The following P3H3 variants were observed in gnomAD, a reference collection of about 807,000 sequenced individuals.
The protein encoded by P3H3 is gene rich cluster, B.
In P3H3, 64 loss-of-function variants were observed where a neutral mutation model predicts 78.1. That is an observed-to-expected ratio of 0.82 (90% confidence interval 0.67 to 1.01). The LOEUF (loss-of-function observed/expected upper bound fraction) is 1.01. Ranked by LOEUF, P3H3 falls within the 50% of genes least tolerant of loss-of-function variation. P3H3 has a pLI of 0.00. For missense variants in P3H3, 975 were observed against 982.2 expected, an observed-to-expected ratio of 0.99 and a Z score of 0.10; for synonymous variants, 425 against 416.7, an observed-to-expected ratio of 1.02 and a Z score of -0.24.
intron 9 of P3H3, among the ~76,000 whole-genome samples, chr12:6,835,411 G>T (rs1469116631): frequency 6.6e-6 from 1 of 151,702 alleles, no homozygotes; most frequent in Non-Finnish European, 1.5e-5. Flanking sequence ...GGTGAAACCC[G>T]GTCTTTACTA....
In P3H3 at chr12:6,839,131, C is replaced by G; in HGVS notation, c.2037C>G (p.His679Gln). ...TGTGGCACACGTGGGCACCTGAGCA[C>G]AGGGAGCAGGTAAGGAGCGGGGTAG... The part of the protein sequence containing the change: ...LALWHTWAPE[H>Q]REQEWIEAKE... The change falls in exon 14 of 15, where the codon CAC becomes CAG. Residue 679 changes from histidine (H) to glutamine (Q), a missense_variant. Coordinates refer to ENST00000290510, the MANE Select transcript of P3H3 (RefSeq NM_014262.5). 6.2e-7 allele frequency: 1 copy of G among 1,601,916 alleles called. No homozygotes were observed. Among genetic ancestry groups the G allele is most frequent in the Non-Finnish European group, 8.5e-7 (1 of 1,176,170 alleles).
intron 13 of P3H3, 98 bp from the exon 14 acceptor site, chr12:6,838,902 C>T (rs1186018915): frequency 1.2e-4 from 127 of 1,033,666 alleles, no homozygotes; most frequent in Non-Finnish European, 1.3e-4. Flanking sequence ...GAGAGCTGAT[C>T]CTCTCTGTGC....
chr12:6,828,483 C>T lies in P3H3; in HGVS notation c.43C>T (p.Pro15Ser). Residue 15 changes from proline (P) to serine (S), a missense_variant, in exon 1 of 15, where the codon CCT becomes TCT. Physicochemically the swap from Pro to Ser is moderately conservative, Grantham distance 74. Transcript: ENST00000290510. The stretch of plus-strand genomic sequence containing the variant: ...GCCGCTGCTGCTACTGCTGCTGCTG[C>T]CTCCCCCGGGGTCCCCTGAGCCCCC... Reference protein sequence around the residue: ...LRPLLLLLLLPPPGSPEPPGL... With the variant: ...LRPLLLLLLLSPPGSPEPPGL... 7.7e-7 allele frequency: 1 copy of T among 1,290,966 alleles called. No individual in the cohort carries two copies. 80.0% of individuals were successfully genotyped at this position (1,290,966 alleles called of 1,614,324 possible). A position where few individuals can be genotyped will look rare whatever the true frequency, so the allele number is the denominator to read the frequency against.
chr12:6,838,037 C>G lies in P3H3; in HGVS notation c.1905+4C>G. 1 of 1,598,634 alleles carries G rather than the reference C, an allele frequency of 6.3e-7. No homozygotes were observed. The highest frequency in any genetic ancestry group is 8.5e-7 in the Non-Finnish European group (1 of 1,172,194). Reference sequence around the variant, plus strand: ...GCCCAACGCCCTCACTGTCACGGTGCGTGGAGTGGGGGGTGTGACGGTGTG... The same window carrying G: ...GCCCAACGCCCTCACTGTCACGGTGGGTGGAGTGGGGGGTGTGACGGTGTG... On this transcript the variant is annotated splice_donor_region_variant and intron_variant, in intron 13 of 14. Coordinates refer to ENST00000290510, the MANE Select transcript of P3H3 (RefSeq NM_014262.5).
chr12:6,837,655 C>T (rs782139701), intron 11 of P3H3, 77 bp from the exon 12 acceptor site: 135 of 1,578,294 alleles, frequency 8.6e-5, no homozygotes, highest in Middle Eastern at 8.3e-4. Context: ...CCGGGGTGGA[C>T]GTGCACGGCC....
intron 13 of P3H3, among the ~76,000 whole-genome samples, chr12:6,838,747 G>A (rs951828900): frequency 2.0e-5 from 3 of 152,282 alleles, no homozygotes; most frequent in African/African-American, 7.2e-5. Flanking sequence ...GGTACCAGGG[G>A]TCAGGAACCA....
chr12:6,831,130 C>T lies in P3H3; in HGVS notation c.986-86C>T. Reference sequence around the variant, plus strand: ...TTAGCTGTCTGGCCTCTGGAGACCACCTTCTCCAGCACTGCCTCTGCCCCA... The same window carrying T: ...TTAGCTGTCTGGCCTCTGGAGACCATCTTCTCCAGCACTGCCTCTGCCCCA... On this transcript the variant is annotated intron_variant, in intron 4 of 14. Transcript: ENST00000290510. This position sits in a 1 kb window ranked among gnomAD's most constrained non-coding sequence, Gnocchi z 4.6. 6.4e-7 allele frequency: 1 copy of T among 1,555,010 alleles called. No individual in the cohort carries two copies. The highest frequency in any genetic ancestry group is 2.2e-5 in the East Asian group (1 of 44,584).
At chr12:6,838,345 G>A (rs545740759) in intron 13 of P3H3, among the ~76,000 whole-genome samples, 4 of 152,246 alleles carry the variant, frequency 2.6e-5, no homozygotes, top group South Asian at 2.1e-4. Flanking sequence ...TCTTTGCAGC[G>A]AGGTGAGCAC....
Position 6,829,987 on chromosome 12 carries a change from G to A in P3H3, c.627G>A (p.Arg209=), listed in dbSNP as rs781887320. The change falls in exon 2 of 15, where the codon CGG becomes CGA. Residue 209 remains arginine (R), a synonymous_variant. Transcript: ENST00000290510. This position sits in a 1 kb window ranked among gnomAD's most constrained non-coding sequence, Gnocchi z 5.1. ...RMSGVRPQSF[R]DLETPPHWAA... ...CGGGAGTTCGGCCCCAGAGCTTCCG[G>A]GACCTGGAGACGCCCCCACACTGGG... 3 of 1,613,944 alleles carry A rather than the reference G, an allele frequency of 1.9e-6. No individual in the cohort carries two copies. The highest frequency in any genetic ancestry group is 2.2e-5 in the South Asian group (2 of 91,082).
At chr12:6,830,315 C>T in intron 2 of P3H3, 38 bp from the exon 3 acceptor site, 1 of 1,552,256 alleles carries the variant, frequency 6.4e-7, no homozygotes, top group East Asian at 2.4e-5. Flanking sequence ...TTGGCAACCC[C>T]TGGATCTTAG....
Position 6,839,322 on chromosome 12 carries a change from T to A in P3H3, c.2072T>A (p.Leu691Gln). The change falls in exon 15 of 15, where the codon CTG (leucine) becomes CAG (glutamine). Residue 691 changes from leucine (L) to glutamine (Q), a missense_variant. Coordinates refer to ENST00000290510, the MANE Select transcript of P3H3 (RefSeq NM_014262.5). The stretch of plus-strand genomic sequence containing the variant: ...GAGTGGATAGAAGCCAAAGAACTGC[T>A]GCAGGAGTCACAGGAGGAGGAGGAA... ...EQEWIEAKEL[L>Q]QESQEEEEEE... 1 of 1,553,462 alleles carries A rather than the reference T, an allele frequency of 6.4e-7. No individual in the cohort carries two copies. The highest frequency in any genetic ancestry group is 8.7e-7 in the Non-Finnish European group (1 of 1,148,044).
intron 13 of P3H3, 60 bp from the exon 14 acceptor site, chr12:6,838,940 G>A (rs1555122600): frequency 5.4e-6 from 8 of 1,488,890 alleles, no homozygotes; most frequent in Non-Finnish European, 7.2e-6. Flanking sequence ...TCTAGGGAGT[G>A]AGGGCCAAGT....
chr12:6,828,426 G>A lies in P3H3; in HGVS notation c.-15G>A, dbSNP rs61475630. 5,347 of 405,816 alleles carry A rather than the reference G, an allele frequency of 0.013. 177 individuals are homozygous for A. The highest frequency in any genetic ancestry group is 0.095 in the African/African-American group (4,104 of 43,180). The allele number at this position is 405,816 out of a possible 1,614,324, so 25.1% of individuals were successfully genotyped here. Reference sequence around the variant, plus strand: ...GCTCCCGCATTTCCCCTCGGCTGCCGGCGGCTCCGACATCATGCTCCGGCT... The same window carrying A: ...GCTCCCGCATTTCCCCTCGGCTGCCAGCGGCTCCGACATCATGCTCCGGCT... On this transcript the variant is annotated 5_prime_UTR_variant, in exon 1 of 15. Transcript: ENST00000290510.
rs560816124 is a variant in P3H3 at position 6,831,555 on chromosome 12, G to A, written c.1122+203G>A. The stretch of plus-strand genomic sequence containing the variant: ...AGTTCCGATTCCAGCCCTCAGCCCC[G>A]TCTCTCTTGCCTTTACTTCACTCCT... On this transcript the variant is annotated intron_variant, in intron 5 of 14. Transcript: ENST00000290510. This position sits in a 1 kb window ranked among gnomAD's most constrained non-coding sequence, Gnocchi z 4.6. Among the ~76,000 whole-genome samples the A allele has an allele frequency of 1.3e-5, 2 of 151,852 alleles. No homozygotes were observed. Among genetic ancestry groups the A allele is most frequent in the African/African-American group, 2.4e-5 (1 of 41,286 alleles).
rs1338603161 is a variant in P3H3 at position 6,828,476 on chromosome 12, G to A, written c.36G>A (p.Leu12=). ...LRLLRPLLLL[L]LLPPPGSPEP... is the part of the protein sequence containing the mutation. ...TCCTCCGGCCGCTGCTGCTACTGCT[G>A]CTGCTGCCTCCCCCGGGGTCCCCTG... The change falls in exon 1 of 15, where the codon CTG becomes CTA. Residue 12 remains leucine, a synonymous_variant. Coordinates refer to ENST00000290510, the MANE Select transcript of P3H3 (RefSeq NM_014262.5). 1.7e-5 allele frequency: 22 copies of A among 1,275,800 alleles called. No homozygotes were observed. The Admixed American group carries it at 5.0e-4, about 29-fold the overall frequency. The allele number at this position is 1,275,800 out of a possible 1,614,324, so 79.0% of individuals were successfully genotyped here.
intron 10 of P3H3, 166 bp downstream of exon 10, chr12:6,837,252 C>A: frequency 2.9e-6 from 3 of 1,038,294 alleles, no homozygotes; most frequent in Non-Finnish European, 2.8e-6. Context: ...GAGCTGGGGC[C>A]GGGGTTGTTG....
chr12:6,838,377 A>G (rs1410608373), intron 13 of P3H3, among the ~76,000 whole-genome samples: 1 of 152,186 alleles, frequency 6.6e-6, no homozygotes, highest in Non-Finnish European at 1.5e-5. Context: ...CACAGATACC[A>G]GGGCCGCCTT....
intron 13 of P3H3, 141 bp downstream of exon 13, chr12:6,838,174 C>A: frequency 9.0e-7 from 1 of 1,105,474 alleles, no homozygotes; most frequent in Non-Finnish European, 1.3e-6. Context: ...GCAGCCCTCC[C>A]GCTGCTTCCT....
intron 9 of P3H3, among the ~76,000 whole-genome samples, chr12:6,836,119 G>T (rs1943493480): frequency 6.6e-6 from 1 of 152,046 alleles, no homozygotes; most frequent in Non-Finnish European, 1.5e-5. Flanking sequence ...CTACTTGGGA[G>T]GCTGAGGTGG....
Sources: allele counts gnomAD v4.1 joint callset (sites outside exome capture counted in the v4.1 genomes callset), GRCh38; gene constraint gnomAD v4.1.1; non-coding constraint Gnocchi (gnomAD v3.1); transcripts MANE v1.5; gene names NCBI Gene and HGNC (gene_info 2026-07-23, HGNC 2026-07-21).